SUMF1: variants seen among roughly 807,000 people sequenced by gnomAD.
SUMF1 encodes the protein sulfatase modifying factor 1, also known as formylglycine-generating enzyme.
Under a neutral mutation model 47.6 loss-of-function variants are expected in SUMF1, and 48 were observed. The ratio of observed to expected loss-of-function variants is 1.01; its 90% CI spans 0.80 to 1.28. SUMF1 has a LOEUF of 1.28. Ranked by LOEUF, SUMF1 falls within the 50% of genes most tolerant of loss-of-function variation. The pLI is 0.00. For synonymous variants in SUMF1, 230 were observed against 192.1 expected, an observed-to-expected ratio of 1.20 and a Z score of -1.63; for missense variants, 571 against 485.4, an observed-to-expected ratio of 1.18 and a Z score of -1.66.
chr3:4,296,975 T>C (rs1164624680), intron 8 of SUMF1, among the ~76,000 whole-genome samples: 2 of 152,160 alleles, frequency 1.3e-5, no homozygotes, highest in Admixed American at 6.5e-5. Flanking sequence ...TTATCACTCA[T>C]CTGCTTTATT....
At chr3:4,441,320 T>C (rs1027564062) in intron 3 of SUMF1, among the ~76,000 whole-genome samples, 1 of 152,240 alleles carries the variant, frequency 6.6e-6, no homozygotes, top group Non-Finnish European at 1.5e-5. Flanking sequence ...CAGATGGGAC[T>C]GCATAGTTGC....
intron 3 of SUMF1, among the ~76,000 whole-genome samples, chr3:4,424,053 G>C (rs7618175): frequency 0.64 from 97,734 of 152,068 alleles, 32,134 homozygotes; most frequent in East Asian, 0.98. Context: ...TTTCTTTATA[G>C]CAATTGCAGG....
At position 4,270,741 on chromosome 3, in the gene SUMF1, T is replaced by C. The variant is rs73806971; in HGVS notation, c.1014+105589A>G. ...ATTAATCAGGTCTGGAATGGGATAT[T>C]TCCTGGCTTTGCCAAGCAAAAAAGT... is the stretch of plus-strand genomic sequence containing the variant. On this transcript the variant is annotated intron_variant and NMD_transcript_variant, in intron 8 of 12. Coordinates refer to the SUMF1 transcript ENST00000448413. 4.1e-3 allele frequency among the ~76,000 whole-genome samples: 625 copies of C among 152,256 alleles called. 7 individuals are homozygous for C. The highest frequency in any genetic ancestry group is 0.014 in the African/African-American group (597 of 41,532).
chr3:4,224,991 G>C (rs925758192), intron 8 of SUMF1, among the ~76,000 whole-genome samples: 4 of 152,018 alleles, frequency 2.6e-5, no homozygotes, highest in African/African-American at 9.7e-5. Flanking sequence ...GTTTGTCTTG[G>C]ACAATCAAGG....
intron 8 of SUMF1, among the ~76,000 whole-genome samples, chr3:4,307,225 C>T (rs182490044): frequency 5.9e-5 from 9 of 152,146 alleles, no homozygotes; most frequent in African/African-American, 1.9e-4. Context: ...GTCTTCAGTA[C>T]GGAATGTGAT....
intron 8 of SUMF1, 108 bp from the exon 9 acceptor site, chr3:4,362,362 C>A (rs529179268): frequency 5.6e-5 from 49 of 867,602 alleles, no homozygotes; most frequent in Middle Eastern, 2.1e-4. Context: ...CCCCACAACC[C>A]TGCCTGTATG....
chr3:4,439,264 C>T (rs1006724085), intron 3 of SUMF1, among the ~76,000 whole-genome samples: 6 of 152,152 alleles, frequency 3.9e-5, no homozygotes, highest in Admixed American at 3.3e-4. Flanking sequence ...GGCTCAACGC[C>T]TGTAATGCCA....
rs187757142 is a variant in SUMF1 at position 4,209,085 on chromosome 3, C to G, written c.1015-140340G>C. On this transcript the variant is annotated intron_variant and NMD_transcript_variant, in intron 8 of 12. Transcript: ENST00000448413. ...TATGATTTCTTCCTTAAATACTTCA[C>G]AAGATTCTCCAGTTAAAACATCTAG... Among the ~76,000 whole-genome samples the G allele has an allele frequency of 9.0e-4, 137 of 152,252 alleles. 1 individual carries two copies. The highest frequency in any genetic ancestry group is 6.1e-3 in the Admixed American group (93 of 15,290).
intron 8 of SUMF1, among the ~76,000 whole-genome samples, chr3:4,174,833 T>C (rs1694922643): frequency 6.6e-6 from 1 of 152,150 alleles, no homozygotes; most frequent in Admixed American, 6.5e-5. Context: ...CCCACTCAAA[T>C]ACTGTGCTAT....
chr3:4,353,531 C>T lies in SUMF1; in HGVS notation c.1014+22799G>A, dbSNP rs541507143. Among the ~76,000 whole-genome samples the T allele has an allele frequency of 6.1e-4, 93 of 152,260 alleles. 1 individual carries two copies. The South Asian group carries it at 0.018, about 29-fold the overall frequency. On this transcript the variant is annotated intron_variant and NMD_transcript_variant, in intron 8 of 12. Coordinates refer to the SUMF1 transcript ENST00000448413. Reference sequence around the variant, plus strand: ...CCTCCCAAAGTGCCGGGATTACAGGCGTGAGTCACTGCGCCCGGCCTAATT... The same window carrying T: ...CCTCCCAAAGTGCCGGGATTACAGGTGTGAGTCACTGCGCCCGGCCTAATT...
chr3:4,290,537 G>C (rs142826689), intron 8 of SUMF1, among the ~76,000 whole-genome samples: 1 of 152,244 alleles, frequency 6.6e-6, no homozygotes, highest in East Asian at 1.9e-4. Flanking sequence ...AGGTAACATG[G>C]AACATCAGCT....
At chr3:4,251,635 G>A (rs1559614036) in intron 8 of SUMF1, among the ~76,000 whole-genome samples, 1 of 152,164 alleles carries the variant, frequency 6.6e-6, no homozygotes, top group Non-Finnish European at 1.5e-5. Flanking sequence ...CTCCATCCTG[G>A]TGAATATTCA....
downstream of SUMF1, among the ~76,000 whole-genome samples, chr3:4,357,402 T>C (rs1028619226): frequency 2.6e-5 from 4 of 151,436 alleles, no homozygotes; most frequent in African/African-American, 9.7e-5. Context: ...AAAAATGTGA[T>C]CTATTTGGAA....
chr3:4,418,687 G>A (rs1011268634), intron 4 of SUMF1, among the ~76,000 whole-genome samples: 5 of 152,138 alleles, frequency 3.3e-5, no homozygotes, highest in African/African-American at 7.2e-5. Flanking sequence ...TACAGGTGTG[G>A]GGCCCTAACA....
At chr3:4,418,802 G>A (rs558204458) in intron 4 of SUMF1, among the ~76,000 whole-genome samples, 4 of 152,212 alleles carry the variant, frequency 2.6e-5, no homozygotes, top group South Asian at 2.1e-4. Flanking sequence ...CAAGAGGCCG[G>A]TCTTTTTTTC....
chr3:4,041,164 C>T (rs984827178), intron 9 of SUMF1, among the ~76,000 whole-genome samples: 30 of 152,316 alleles, frequency 2.0e-4, no homozygotes, highest in African/African-American at 6.7e-4. Flanking sequence ...CCTCCGCCTC[C>T]GGAGTTCAAG....
chr3:4,130,536 G>C lies in SUMF1; in HGVS notation c.1015-61791C>G, dbSNP rs545069527. Among the ~76,000 whole-genome samples, 257 of 152,252 alleles carry C rather than the reference G, an allele frequency of 1.7e-3. 3 individuals are homozygous for C. The highest frequency in any genetic ancestry group is 6.0e-3 in the African/African-American group (249 of 41,536). ...GATTGGATCCAGTAAGTAAGAAGTAGCAAACACACTGAACTTATTGGTGAG... is the reference window on the plus strand; with the variant it reads ...GATTGGATCCAGTAAGTAAGAAGTACCAAACACACTGAACTTATTGGTGAG... On this transcript the variant is annotated intron_variant and NMD_transcript_variant, in intron 8 of 12. Transcript: ENST00000448413.
intron 8 of SUMF1, among the ~76,000 whole-genome samples, chr3:4,362,999 TGTGCCAA>T (rs1238257554): frequency 2.0e-5 from 3 of 152,032 alleles, no homozygotes; most frequent in African/African-American, 7.2e-5. Context: ...GATAACTACA[TGTGCCAA>T]GAAGAAAAGA....
At position 4,275,665 on chromosome 3, in the gene SUMF1, AAAGTACTTAGCT is replaced by A. The variant is rs1388445951; in HGVS notation, c.1014+100653_1014+100664del. 2.6e-5 allele frequency among the ~76,000 whole-genome samples: 4 copies of A among 152,160 alleles called. No individual in the cohort carries two copies. The East Asian group carries it at 5.8e-4, about 22-fold the overall frequency. ...ACTGGGGATGAGGCCAACTTCTCCC[AAAGTACTTAGCT>A]CTGGGGAGAAGAGATGGATGTTTGG... On this transcript the variant is annotated intron_variant and NMD_transcript_variant, in intron 8 of 12. Transcript: ENST00000448413.
Sources: allele counts gnomAD v4.1 joint callset (sites outside exome capture counted in the v4.1 genomes callset), GRCh38; gene constraint gnomAD v4.1.1; transcripts MANE v1.5; gene names NCBI Gene and HGNC (gene_info 2026-07-23, HGNC 2026-07-21).